The following KIAA1217 variants were observed in gnomAD, a reference collection of about 807,000 sequenced individuals.
KIAA1217 encodes sickle tail protein homolog.
A neutral mutation model predicts 163.9 loss-of-function variants in KIAA1217; 88 were observed. That is an observed-to-expected ratio of 0.54 (90% CI 0.45 to 0.64). KIAA1217 has a LOEUF of 0.64. Ranked by LOEUF, KIAA1217 falls within the 30% of genes least tolerant of loss-of-function variation. The pLI is 0.00. For missense variants in KIAA1217, 2,372 were observed against 2,475.0 expected, an observed-to-expected ratio of 0.96 and a Z score of 0.88; for synonymous variants, 903 against 923.1, an observed-to-expected ratio of 0.98 and a Z score of 0.39.
At chr10:24,219,241 G>T (rs902714154) in intron 1 of KIAA1217, among the ~76,000 whole-genome samples, 1 of 152,046 alleles carries the variant, frequency 6.6e-6, no homozygotes, top group Non-Finnish European at 1.5e-5. Context: ...AGCCTCCCGA[G>T]AAGCTGGGAC....
intron 2 of KIAA1217, among the ~76,000 whole-genome samples, chr10:24,127,461 A>G (rs2063507905): frequency 6.6e-6 from 1 of 152,204 alleles, no homozygotes; most frequent in African/African-American, 2.4e-5. Context: ...TTATAATAAA[A>G]GTCCAAAGCC....
intron 1 of KIAA1217, among the ~76,000 whole-genome samples, chr10:23,869,105 C>G (rs904518441): frequency 1.6e-5 from 2 of 128,074 alleles, no homozygotes; most frequent in Non-Finnish European, 3.1e-5. Flanking sequence ...TGCAGTGTAA[C>G]GTGCAATCAT....
At chr10:24,439,972 G>A (rs547070185) in intron 5 of KIAA1217, among the ~76,000 whole-genome samples, 1 of 152,306 alleles carries the variant, frequency 6.6e-6, no homozygotes, top group Admixed American at 6.5e-5. Context: ...TCCATATTGG[G>A]TAAGTTTAGA....
Position 23,720,965 on chromosome 10 carries a change from C to T in KIAA1217, c.-321+25731C>T, listed in dbSNP as rs550751938. Among the ~76,000 whole-genome samples, 7 of 152,192 alleles carry T rather than the reference C, an allele frequency of 4.6e-5. No homozygotes were observed. In the South Asian group the frequency reaches 1.5e-3, roughly 32 times the overall value. ...GAAAAGGTATGAATTCCACTGACACCTTTGTAACTTAACAAAAACCTTAAG... is the reference window on the plus strand; with the variant it reads ...GAAAAGGTATGAATTCCACTGACACTTTTGTAACTTAACAAAAACCTTAAG... On this transcript the variant is annotated intron_variant, in intron 1 of 18. Coordinates refer to the KIAA1217 transcript ENST00000376462.
At chr10:23,775,019 A>T (rs779591546) in intron 1 of KIAA1217, among the ~76,000 whole-genome samples, 1 of 152,166 alleles carries the variant, frequency 6.6e-6, no homozygotes, top group Non-Finnish European at 1.5e-5. Context: ...AATGATGAAG[A>T]TCTTGGTGCA....
At chr10:24,238,699 CAG>C (rs2072628614) in intron 2 of KIAA1217, among the ~76,000 whole-genome samples, 2 of 152,056 alleles carry the variant, frequency 1.3e-5, no homozygotes, top group South Asian at 4.1e-4. Flanking sequence ...TGGTGGAGAA[CAG>C]AGTGGAAAAG....
chr10:24,470,177 G>A (rs2063349787), intron 5 of KIAA1217, among the ~76,000 whole-genome samples: 1 of 152,204 alleles, frequency 6.6e-6, no homozygotes, highest in Non-Finnish European at 1.5e-5. Flanking sequence ...GCCCTGTGCT[G>A]CTTCCTGCTG....
At chr10:23,934,589 A>ATATATATG (rs1439337986) in intron 1 of KIAA1217, among the ~76,000 whole-genome samples, 3 of 56,828 alleles carry the variant, frequency 5.3e-5, no homozygotes, top group African/African-American at 5.1e-4. Context: ...ATATATATAT[A>ATATATATG]TGTATATATA....
At chr10:23,953,658 A>G (rs545449956) in intron 1 of KIAA1217, among the ~76,000 whole-genome samples, 11 of 152,370 alleles carry the variant, frequency 7.2e-5, no homozygotes, top group Middle Eastern at 3.4e-3. Flanking sequence ...GCATAAAATA[A>G]AAGTAATAGT....
At chr10:23,740,688 C>A (rs903099106) in intron 1 of KIAA1217, among the ~76,000 whole-genome samples, 1 of 152,050 alleles carries the variant, frequency 6.6e-6, no homozygotes, top group Non-Finnish European at 1.5e-5. Context: ...GTAAAAGTTC[C>A]ACCCAGGTCT....
intron 2 of KIAA1217, among the ~76,000 whole-genome samples, chr10:24,323,743 C>T (rs2044473713): frequency 6.6e-6 from 1 of 150,698 alleles, no homozygotes; most frequent in African/African-American, 2.5e-5. Context: ...ATGAGACTGC[C>T]CTAGATTCAA....
chr10:24,138,966 T>C (rs2063943651), intron 2 of KIAA1217, among the ~76,000 whole-genome samples: 1 of 152,182 alleles, frequency 6.6e-6, no homozygotes, highest in Non-Finnish European at 1.5e-5. Context: ...AGGAAAGAAA[T>C]ATATGTATGT....
At chr10:24,064,055 G>A (rs2060839881) in intron 2 of KIAA1217, among the ~76,000 whole-genome samples, 1 of 152,166 alleles carries the variant, frequency 6.6e-6, no homozygotes, top group Non-Finnish European at 1.5e-5. Flanking sequence ...AGACGATGGG[G>A]TTTTCTAGAT....
At chr10:24,240,810 C>T (rs2072980732) in intron 2 of KIAA1217, among the ~76,000 whole-genome samples, 1 of 151,886 alleles carries the variant, frequency 6.6e-6, no homozygotes, top group Admixed American at 6.6e-5. Context: ...TTTACTTCCT[C>T]TTATCATTAC....
At chr10:24,120,148 C>G (rs917447919) in intron 2 of KIAA1217, among the ~76,000 whole-genome samples, 6 of 152,158 alleles carry the variant, frequency 3.9e-5, no homozygotes, top group Non-Finnish European at 7.3e-5. Context: ...ATCTGCCAGG[C>G]CATCTGTTAT....
chr10:24,155,667 CA>C (rs542803566), intron 2 of KIAA1217, among the ~76,000 whole-genome samples: 3 of 152,080 alleles, frequency 2.0e-5, no homozygotes, highest in African/African-American at 7.2e-5. Context: ...CTAAAAAATA[CA>C]AAAATTAGCT....
intron 2 of KIAA1217, among the ~76,000 whole-genome samples, chr10:24,285,055 G>A (rs948341152): frequency 2.6e-5 from 4 of 152,086 alleles, no homozygotes; most frequent in Non-Finnish European, 4.4e-5. Context: ...GTCTGTTGAC[G>A]TCTTTTGCTT....
intron 2 of KIAA1217, among the ~76,000 whole-genome samples, chr10:24,361,060 C>T (rs2049921478): frequency 6.6e-6 from 1 of 152,128 alleles, no homozygotes; most frequent in African/African-American, 2.4e-5. Context: ...TTTACAATCC[C>T]ATGACCCACA....
chr10:24,438,567 A>C, intron 5 of KIAA1217, 88 bp downstream of exon 5: 1 of 871,982 alleles, frequency 1.1e-6, no homozygotes, highest in East Asian at 2.4e-5. Context: ...TCAGAACTCT[A>C]CAACTGAGTT....
Sources: gnomAD v4.1 joint callset for allele counts (sites outside exome capture counted in the v4.1 genomes callset) on GRCh38, gnomAD v4.1.1 for gene constraint, MANE v1.5 for transcripts, NCBI Gene and HGNC (gene_info 2026-07-23, HGNC 2026-07-21) for gene names.